Variants in GRIN2D observed in about 807,000 individuals in gnomAD.
GRIN2D encodes the protein glutamate receptor ionotropic, NMDA 2D.
GRIN2D carries 37 observed loss-of-function variants against 103.2 expected under a neutral mutation model. The ratio of observed to expected loss-of-function variants is 0.36; its 90% confidence interval spans 0.28 to 0.47. GRIN2D has a LOEUF of 0.47. Ranked by LOEUF, GRIN2D falls within the 20% of genes least tolerant of loss-of-function variation. The pLI is 1.00. For synonymous variants in GRIN2D, 845 were observed against 885.6 expected (o/e 0.95, Z 0.81); for missense variants, 1,557 against 1,910.6 (o/e 0.81, Z 3.45).
At chr19:48,419,149 G>A in intron 8 of GRIN2D, 85 bp from the exon 9 acceptor site, 3 of 1,313,438 alleles carry the variant, frequency 2.3e-6, no homozygotes, top group East Asian at 2.6e-5. Context: ...AAAGTTCTGG[G>A]AGTACAGGCG....
At chr19:48,403,799 T>G (rs971353574) in intron 3 of GRIN2D, among the ~76,000 whole-genome samples, 19 of 152,212 alleles carry the variant, frequency 1.2e-4, no homozygotes, top group Non-Finnish European at 7.3e-5. Context: ...CTCACTGCCT[T>G]CAGGGAACCA....
intron 11 of GRIN2D, among the ~76,000 whole-genome samples, chr19:48,435,487 G>T (rs1971218555): frequency 6.6e-6 from 1 of 151,622 alleles, no homozygotes; most frequent in Non-Finnish European, 1.5e-5. Context: ...ACAGGGTTTC[G>T]CCATGTTGGC....
intron 4 of GRIN2D, among the ~76,000 whole-genome samples, chr19:48,412,479 A>G (rs111890993): frequency 5.3e-4 from 72 of 136,912 alleles, no homozygotes; most frequent in East Asian, 1.6e-3. Flanking sequence ...GAAAGAAAGA[A>G]AGAGAGAGAA....
At chr19:48,396,602 G>A (rs1447844286) in intron 2 of GRIN2D, among the ~76,000 whole-genome samples, 1 of 152,014 alleles carries the variant, frequency 6.6e-6, no homozygotes, top group Non-Finnish European at 1.5e-5. Context: ...CTTGGGGAAG[G>A]GCAATGGAAA....
Position 48,442,841 on chromosome 19 carries a change from G to C in GRIN2D, c.2915G>C (p.Gly972Ala). The change falls in exon 14 of 14, where the codon GGC becomes GCC. Residue 972 changes from glycine to alanine, a missense_variant. By Grantham distance (60) the Gly-to-Ala change is moderately conservative. Transcript: ENST00000263269. This position sits in a 1 kb window ranked among gnomAD's most constrained non-coding sequence, Gnocchi z 7.2. ...TACTACGGCCCCATCGAGCCGCAGG[G>C]CCTAGGCCTCGGCCTGGGCGAAGCG... ...HRYYGPIEPQ[G>A]LGLGLGEARA... The C allele has an allele frequency of 9.2e-7, 1 of 1,086,512 alleles. No homozygotes were observed. Among genetic ancestry groups the C allele is most frequent in the South Asian group, 3.6e-5 (1 of 27,448 alleles). The allele number at this position is 1,086,512 out of a possible 1,614,324, so 67.3% of individuals were successfully genotyped here.
At chr19:48,404,153 C>G (rs1302948944) in intron 3 of GRIN2D, among the ~76,000 whole-genome samples, 2 of 151,620 alleles carry the variant, frequency 1.3e-5, no homozygotes, top group Non-Finnish European at 2.9e-5. Flanking sequence ...GGCAGGAGAA[C>G]TGCTTGAACC....
chr19:48,429,282 G>A (rs920944035), intron 11 of GRIN2D, among the ~76,000 whole-genome samples: 5 of 152,186 alleles, frequency 3.3e-5, no homozygotes, highest in African/African-American at 1.2e-4. Flanking sequence ...CTGGAGTGCA[G>A]TGGCATAGTC....
rs1352249361 is a variant in GRIN2D, at chr19:48,421,975, G to C, written c.2252+30G>C. The C allele has an allele frequency of 1.2e-6, 2 of 1,605,180 alleles. No homozygotes were observed. Among genetic ancestry groups the C allele is most frequent in the East Asian group, 4.5e-5 (2 of 44,800 alleles). On this transcript the variant is annotated intron_variant, in intron 11 of 13. Coordinates refer to ENST00000263269, the MANE Select transcript of GRIN2D (RefSeq NM_000836.4). This position sits in a 1 kb window ranked among gnomAD's most constrained non-coding sequence, Gnocchi z 4.8. ...GCGCAGACTCGGGCCGGGGGTGGGG[G>C]TTGGGCCGCTGGGGACCTGAGGATG...
rs747902420 is a variant in GRIN2D at position 48,443,277 on chromosome 19, C to T, written c.3351C>T (p.Asp1117=). The T allele has an allele frequency of 1.3e-6, 2 of 1,536,190 alleles. No individual in the cohort carries two copies. The highest frequency in any genetic ancestry group is 2.3e-5 in the South Asian group (2 of 85,214). ...AGCCGTCGCCGTCGGACTCGGAGGA[C>T]TCGGAGAGCCTGGGCGGCGCGTCGC... ...DLEPSPSDSE[D]SESLGGASLG... is the part of the protein sequence containing the mutation. Residue 1117 remains aspartate (D), a synonymous_variant, in exon 14 of 14, where the codon GAC becomes GAT. Transcript: ENST00000263269. The surrounding 1 kb of genome is among the most constrained non-coding windows in gnomAD (Gnocchi z 8.9).
intron 11 of GRIN2D, among the ~76,000 whole-genome samples, chr19:48,426,289 G>C (rs553554036): frequency 7.2e-6 from 1 of 139,470 alleles, no homozygotes; most frequent in South Asian, 2.3e-4. Flanking sequence ...GCAGTTGCGC[G>C]ATCTCGGCTC....
In GRIN2D at chr19:48,394,195, C is replaced by CTG. The variant is rs1032192539; in HGVS notation, c.-306+337_-306+338dup. Among the ~76,000 whole-genome samples the CTG allele has an allele frequency of 1.3e-5, 2 of 148,906 alleles. No individual in the cohort carries two copies. The highest frequency in any genetic ancestry group is 1.9e-4 in the East Asian group (1 of 5,136). On this transcript the variant is annotated intron_variant, in intron 1 of 13. Coordinates refer to ENST00000263269, the MANE Select transcript of GRIN2D (RefSeq NM_000836.4). The surrounding 1 kb of genome is among the most constrained non-coding windows in gnomAD (Gnocchi z 5.1). ...GACCCCCCACTCTGTGTGTGTGTGT[C>CTG]TGTGTGTGTGTCCCTCCTCAAGCTC...
intron 11 of GRIN2D, among the ~76,000 whole-genome samples, chr19:48,436,432 T>G (rs1301523127): frequency 2.0e-5 from 3 of 152,048 alleles, no homozygotes; most frequent in African/African-American, 7.2e-5. Context: ...CATCTTAGGT[T>G]TTACAGTAAT....
At position 48,414,194 on chromosome 19, in the gene GRIN2D, G is replaced by T; in HGVS notation, c.1200+89G>T. 3 of 922,378 alleles carry T rather than the reference G, an allele frequency of 3.3e-6. No individual in the cohort carries two copies. In the South Asian group the frequency reaches 4.2e-5, roughly 13 times the overall value. The allele number at this position is 922,378 out of a possible 1,614,324, so 57.1% of individuals were successfully genotyped here. A position where few individuals can be genotyped will look rare whatever the true frequency, so the allele number is the denominator to read the frequency against. On this transcript the variant is annotated intron_variant, in intron 5 of 13. Transcript: ENST00000263269. The surrounding 1 kb of genome is among the most constrained non-coding windows in gnomAD (Gnocchi z 4.6). Reference sequence around the variant, plus strand: ...GGGGGCTTGAGGTCGTGGACTAAGAGGGAGGAGGGGACAAGGAGCCTGGAC... The same window carrying T: ...GGGGGCTTGAGGTCGTGGACTAAGATGGAGGAGGGGACAAGGAGCCTGGAC...
At chr19:48,438,391 C>T (rs374432393) in intron 11 of GRIN2D, among the ~76,000 whole-genome samples, 13 of 143,848 alleles carry the variant, frequency 9.0e-5, no homozygotes, top group South Asian at 6.7e-4. Flanking sequence ...CTCTGCCTCC[C>T]GAGTTCAAAC....
In GRIN2D at chr19:48,405,484, G is replaced by A; in HGVS notation, c.1085+131G>A. On this transcript the variant is annotated intron_variant, in intron 4 of 13. Transcript: ENST00000263269. This position sits in a 1 kb window ranked among gnomAD's most constrained non-coding sequence, Gnocchi z 5.1. ...CTCAGTTTTCTTTTCTGTAAAGTGG[G>A]TGCAATTGGGTCTCTTTTCTGAGGT... The A allele has an allele frequency of 2.2e-6, 2 of 907,070 alleles. No individual in the cohort carries two copies. Among genetic ancestry groups the A allele is most frequent in the Non-Finnish European group, 3.1e-6 (2 of 637,318 alleles). The allele number at this position is 907,070 out of a possible 1,614,324, so 56.2% of individuals were successfully genotyped here.
intron 11 of GRIN2D, among the ~76,000 whole-genome samples, chr19:48,432,004 C>T (rs1971163306): frequency 1.3e-5 from 2 of 151,664 alleles, no homozygotes; most frequent in Admixed American, 6.6e-5. Flanking sequence ...CCTCTGCCTC[C>T]CGGGTTCAAG....
In GRIN2D at chr19:48,441,953, G is replaced by A. The variant is rs768177826; in HGVS notation, c.2437G>A (p.Asp813Asn). ...CCTGGCGTTGCTGCAGTTCCTGGGG[G>A]ATGGTGCGGCTGCACACAGGGATTT... The part of the protein sequence containing the change: ...IDLALLQFLG[D>N]DEIEMLERLW... Residue 813 changes from aspartate (D) to asparagine (N), a missense_variant, in exon 12 of 14, where the codon GAT becomes AAT. Coordinates refer to ENST00000263269, the MANE Select transcript of GRIN2D (RefSeq NM_000836.4). The A allele has an allele frequency of 6.2e-7, 1 of 1,603,980 alleles. No homozygotes were observed. Among genetic ancestry groups the A allele is most frequent in the Non-Finnish European group, 8.5e-7 (1 of 1,176,646 alleles).
intron 4 of GRIN2D, among the ~76,000 whole-genome samples, chr19:48,408,384 A>C (rs1340295794): frequency 1.3e-5 from 2 of 151,360 alleles, no homozygotes; most frequent in African/African-American, 4.9e-5. Flanking sequence ...CTGTAGTCCT[A>C]GCTACTTGGG....
In GRIN2D at chr19:48,443,234, G is replaced by C; in HGVS notation, c.3308G>C (p.Cys1103Ser). 6.9e-7 allele frequency: 1 copy of C among 1,456,576 alleles called. No homozygotes were observed. Among genetic ancestry groups the C allele is most frequent in the Admixed American group, 2.3e-5 (1 of 43,710 alleles). 90.2% of individuals were successfully genotyped at this position (1,456,576 alleles called of 1,614,324 possible). The change falls in exon 14 of 14, where the codon TGC becomes TCC. Residue 1103 changes from cysteine (C) to serine (S), a missense_variant. By Grantham distance (112) the Cys-to-Ser change is moderately radical. This residue lies in a region of GRIN2D where 632 missense variants were observed against 572.8 expected (regional missense o/e 1.10). Transcript: ENST00000263269. This position sits in a 1 kb window ranked among gnomAD's most constrained non-coding sequence, Gnocchi z 8.9. Reference sequence around the variant, plus strand: ...CCGTGCCGCGCCGCGCCGCCCCCGTGCCCTTACCTCGATCTCGAGCCGTCG... The same window carrying C: ...CCGTGCCGCGCCGCGCCGCCCCCGTCCCCTTACCTCGATCTCGAGCCGTCG... Reference protein sequence around the residue: ...PPPCRAAPPPCPYLDLEPSPS... With the variant: ...PPPCRAAPPPSPYLDLEPSPS...
Sources: gnomAD v4.1 joint callset for allele counts (sites outside exome capture counted in the v4.1 genomes callset) on GRCh38, gnomAD v4.1.1 for gene constraint, gnomAD v4.1.1 regional missense constraint, Gnocchi (gnomAD v3.1) non-coding constraint, MANE v1.5 for transcripts, NCBI Gene and HGNC (gene_info 2026-07-23, HGNC 2026-07-21) for gene names.